Variants in PLXNB3 observed in about 807,000 individuals in gnomAD.
PLXNB3 encodes the protein plexin-B3.
In PLXNB3, 80 loss-of-function variants were observed where a neutral mutation model predicts 125.7. The observed-to-expected ratio is 0.64, with a 90% CI of 0.53 to 0.77. The LOEUF (loss-of-function observed/expected upper bound fraction) is 0.77, where lower values mean the gene tolerates loss of function less well. Ranked by LOEUF, PLXNB3 falls within the 30% of genes least tolerant of loss-of-function variation. The probability of loss-of-function intolerance (pLI) is 0.00; values close to 1 mark genes in which losing one functional copy is unlikely to be tolerated. For synonymous variants in PLXNB3, 954 were observed against 783.3 expected (o/e 1.22, Z -3.64); for missense variants, 1,836 against 1,729.3 (o/e 1.06, Z -1.09).
chrX:153,774,465 G>A lies in PLXNB3; in HGVS notation c.3724G>A (p.Glu1242Lys). Residue 1242 changes from glutamate (E) to lysine (K), a missense_variant, in exon 22 of 36, where the codon GAG (glutamate) becomes AAG (lysine). By Grantham distance (56) the Glu-to-Lys change is moderately conservative (BLOSUM62 1). Coordinates refer to ENST00000361971, the MANE Select transcript of PLXNB3 (RefSeq NM_005393.3). Reference protein sequence around the residue: ...VQLALGPVQYEAEPPLSAFPV... With the variant: ...VQLALGPVQYKAEPPLSAFPV... Reference sequence around the variant, plus strand: ...GCTGGCCCTGGGCCCTGTGCAGTACGAGGCTGAACCCCCGCTGTCTGCCTT... The same window carrying A: ...GCTGGCCCTGGGCCCTGTGCAGTACAAGGCTGAACCCCCGCTGTCTGCCTT... 8.3e-7 allele frequency: 1 copy of A among 1,205,161 alleles called. No individual in the cohort carries two copies. The highest frequency in any genetic ancestry group is 1.1e-6 in the Non-Finnish European group (1 of 892,616).
Position 153,776,226 on chromosome X carries a change from AGCCCT to A in PLXNB3, c.4729+17_4729+21del. On this transcript the variant is annotated intron_variant, in intron 27 of 35. Transcript: ENST00000361971. ...TGCCCTAGACCTTGGTGAGAGAGCCAGCCCTGCCCACCCACCCCAGGGACCCTTCC... is the reference window on the plus strand; with the variant it reads ...TGCCCTAGACCTTGGTGAGAGAGCCAGCCCACCCACCCCAGGGACCCTTCC... 8.8e-7 allele frequency: 1 copy of A among 1,141,320 alleles called. No individual in the cohort carries two copies. Among genetic ancestry groups the A allele is most frequent in the Non-Finnish European group, 1.2e-6 (1 of 851,311 alleles). The allele number at this position is 1,141,320 out of a possible 1,213,427, so 94.1% of individuals were successfully genotyped here. A position where few individuals can be genotyped will look rare whatever the true frequency, so the allele number is the denominator to read the frequency against.
Position 153,770,651 on chromosome X carries a change from G to A in PLXNB3, c.2010+9G>A. ...TCTACAGCGCCCAGGAGGTGGGTGGGCCCGAACTTCGGGCAGAGACAGGGC... is the reference window on the plus strand; with the variant it reads ...TCTACAGCGCCCAGGAGGTGGGTGGACCCGAACTTCGGGCAGAGACAGGGC... On this transcript the variant is annotated intron_variant, in intron 10 of 35. Coordinates refer to ENST00000361971, the MANE Select transcript of PLXNB3 (RefSeq NM_005393.3). 1 of 1,208,591 alleles carries A rather than the reference G, an allele frequency of 8.3e-7. No individual in the cohort carries two copies. The highest frequency in any genetic ancestry group is 1.1e-6 in the Non-Finnish European group (1 of 893,444).
chrX:153,770,487 C>A (rs1381824777), intron 9 of PLXNB3, 41 bp downstream of exon 9: 3 of 1,201,628 alleles, frequency 2.5e-6, no homozygotes, highest in Non-Finnish European at 3.4e-6. Context: ...GGGTGGCGAC[C>A]CCAGAGGGCA....
At chrX:153,768,004 C>G (rs1557060005) in intron 3 of PLXNB3, 91 bp downstream of exon 3, 2 of 963,742 alleles carry the variant, frequency 2.1e-6, no homozygotes, top group Admixed American at 8.1e-5. Flanking sequence ...GAAGTGCCAG[C>G]CAACCTCTCA....
chrX:153,775,697 T>C, intron 26 of PLXNB3, 37 bp downstream of exon 26: 4 of 1,169,326 alleles, frequency 3.4e-6, no homozygotes, highest in Non-Finnish European at 4.7e-6. Flanking sequence ...CAGCCCTGAG[T>C]GGCAGACTCC....
chrX:153,766,595 A>C, intron 2 of PLXNB3: 1 of 1,048,374 alleles, frequency 9.5e-7, no homozygotes, highest in Non-Finnish European at 1.2e-6. Context: ...GTAGGAGATG[A>C]AAGAATTCTG....
chrX:153,771,299 T>A lies in PLXNB3; in HGVS notation c.2254-11T>A. 8.4e-7 allele frequency: 1 copy of A among 1,197,395 alleles called. No homozygotes were observed. Among genetic ancestry groups the A allele is most frequent in the Non-Finnish European group, 1.1e-6 (1 of 882,933 alleles). On this transcript the variant is annotated splice_polypyrimidine_tract_variant and intron_variant, in intron 12 of 35. Coordinates refer to ENST00000361971, the MANE Select transcript of PLXNB3 (RefSeq NM_005393.3). Reference sequence around the variant, plus strand: ...GTGGGCACCCAGCCTGACCCCACACTCTGCCCACAGTTTTATCCCTCCATG... The same window carrying A: ...GTGGGCACCCAGCCTGACCCCACACACTGCCCACAGTTTTATCCCTCCATG...
chrX:153,777,476 G>A (rs782269348), intron 30 of PLXNB3, 52 bp from the exon 31 acceptor site: 4 of 1,191,227 alleles, frequency 3.4e-6, no homozygotes, highest in Non-Finnish European at 3.4e-6. Context: ...CCTCAGCCGT[G>A]GATGGCCCCC....
In PLXNB3 at chrX:153,771,314, ATCCC is replaced by A. The variant is rs781960218; in HGVS notation, c.2262_2265del (p.Ser755CysfsTer28). On this transcript the variant is annotated frameshift_variant, in exon 13 of 36. Transcript: ENST00000361971. LOFTEE classifies it high-confidence loss of function. ...GACCCCACACTCTGCCCACAGTTTT[ATCCC>A]TCCATGTCCCAGCGGGAGCTCCCAG... is the stretch of plus-strand genomic sequence containing the variant. 2 of 1,206,605 alleles carry A rather than the reference ATCCC, an allele frequency of 1.7e-6. No individual in the cohort carries two copies. The highest frequency in any genetic ancestry group is 2.2e-6 in the Non-Finnish European group (2 of 891,226).
At position 153,776,227 on chromosome X, in the gene PLXNB3, G is replaced by A. The variant is rs781794698; in HGVS notation, c.4729+13G>A. 2 of 1,141,573 alleles carry A rather than the reference G, an allele frequency of 1.8e-6. No homozygotes were observed. The highest frequency in any genetic ancestry group is 2.3e-6 in the Non-Finnish European group (2 of 851,660). The allele number at this position is 1,141,573 out of a possible 1,213,427, so 94.1% of individuals were successfully genotyped here. ...GCCCTAGACCTTGGTGAGAGAGCCAGCCCTGCCCACCCACCCCAGGGACCC... is the reference window on the plus strand; with the variant it reads ...GCCCTAGACCTTGGTGAGAGAGCCAACCCTGCCCACCCACCCCAGGGACCC... On this transcript the variant is annotated intron_variant, in intron 27 of 35. Transcript: ENST00000361971.
Position 153,771,864 on chromosome X carries a change from G to A in PLXNB3, c.2518G>A (p.Val840Ile). The change falls in exon 15 of 36, where the codon GTC becomes ATC. Residue 840 changes from valine to isoleucine, a missense_variant and splice_region_variant. Val to Ile is a conservative substitution (Grantham distance 29, BLOSUM62 3). Coordinates refer to ENST00000361971, the MANE Select transcript of PLXNB3 (RefSeq NM_005393.3). ...ATCTGCCATCATTTGCCTGCTGCAG[G>A]TCGAGCCCCTGACCGGTCCCCCTGA... Reference protein sequence around the residue: ...LLCPAPSIDAVEPLTGPPEGG... With the variant: ...LLCPAPSIDAIEPLTGPPEGG... 1.6e-5 allele frequency: 19 copies of A among 1,206,865 alleles called. No individual in the cohort carries two copies. Among genetic ancestry groups the A allele is most frequent in the Non-Finnish European group, 2.1e-5 (19 of 894,189 alleles).
intron 1 of PLXNB3, 69 bp from the exon 2 acceptor site, chrX:153,765,402 C>T (rs1478028302): frequency 5.8e-6 from 5 of 857,341 alleles, no homozygotes; most frequent in African/African-American, 2.0e-5. Context: ...GCGCCACCCC[C>T]ACCGCCGCCC....
Position 153,776,910 on chromosome X carries a change from G to T in PLXNB3, c.4857G>T (p.Gly1619=). 1.7e-6 allele frequency: 2 copies of T among 1,197,755 alleles called. No individual in the cohort carries two copies. The highest frequency in any genetic ancestry group is 4.4e-5 in the Admixed American group (2 of 45,215). The change falls in exon 29 of 36, where the codon GGG becomes GGT. Residue 1619 remains glycine (G), a synonymous_variant. Coordinates refer to ENST00000361971, the MANE Select transcript of PLXNB3 (RefSeq NM_005393.3). ...AGGTCCCAGATGGAGCAACAGTGGG[G>T]CTCGTCCCTCAGCTGCACCGTGGCA... The part of the protein sequence containing the change: ...HYKVPDGATV[G]LVPQLHRGST...
intron 6 of PLXNB3, 80 bp downstream of exon 6, chrX:153,769,342 G>A (rs1368583417): frequency 2.9e-5 from 24 of 825,484 alleles, no homozygotes; most frequent in Admixed American, 1.2e-4. Flanking sequence ...AGCCCTAGGC[G>A]TGCCGGGAGG....
rs2091896653 is a variant in PLXNB3 at position 153,769,331 on chromosome X, T to G, written c.1496+69T>G. On this transcript the variant is annotated intron_variant, in intron 6 of 35. Coordinates refer to ENST00000361971, the MANE Select transcript of PLXNB3 (RefSeq NM_005393.3). ...TGTGCCACGAGGCTGCCCCTGGAAG[T>G]AGCCCTAGGCGTGCCGGGAGGCCAA... The G allele has an allele frequency of 4.3e-6, 4 of 928,169 alleles. No individual in the cohort carries two copies. In the South Asian group the frequency reaches 6.9e-5, roughly 16 times the overall value. 76.5% of individuals were successfully genotyped at this position (928,169 alleles called of 1,213,427 possible).
Position 153,778,338 on chromosome X carries a change from G to A in PLXNB3, c.5474+13G>A, listed in dbSNP as rs781993315. The stretch of plus-strand genomic sequence containing the variant: ...AGATGGTGGAGAGGTGGGTGTCAGA[G>A]GCATCGGGGCTGCGGGGAAGGGGGC... On this transcript the variant is annotated intron_variant, in intron 33 of 35. Coordinates refer to ENST00000361971, the MANE Select transcript of PLXNB3 (RefSeq NM_005393.3). 18 of 1,206,370 alleles carry A rather than the reference G, an allele frequency of 1.5e-5. No individual in the cohort carries two copies. The Admixed American group carries it at 3.5e-4, about 23-fold the overall frequency.
Position 153,771,979 on chromosome X carries a change from G to T in PLXNB3, c.2633G>T (p.Cys878Phe). The change falls in exon 15 of 36, where the codon TGC (cysteine) becomes TTC (phenylalanine). Residue 878 changes from cysteine (C) to phenylalanine (F), a missense_variant. Physicochemically the swap from Cys to Phe is radical, Grantham distance 205. Transcript: ENST00000361971. ...QYAVSVASRPCNPEPSLYRTS... is the reference protein window; with the variant it reads ...QYAVSVASRPFNPEPSLYRTS... ...GCCGTGAGCGTGGCCAGCCGGCCCT[G>T]CAACCCTGAGCCCTCTCTCTACCGC... The T allele has an allele frequency of 8.3e-7, 1 of 1,205,054 alleles. No homozygotes were observed. The highest frequency in any genetic ancestry group is 1.1e-6 in the Non-Finnish European group (1 of 892,319).
In PLXNB3 at chrX:153,767,345, C is replaced by T. The variant is rs1557059613; in HGVS notation, c.518C>T (p.Thr173Met). The change falls in exon 3 of 36, where the codon ACG becomes ATG. Residue 173 changes from threonine to methionine, a missense_variant. Coordinates refer to ENST00000361971, the MANE Select transcript of PLXNB3 (RefSeq NM_005393.3). ...FVAANTPGVA[T>M]VGLVVPLPGR... is the part of the protein sequence containing the mutation. The stretch of plus-strand genomic sequence containing the variant: ...GCTGCCAATACCCCGGGAGTGGCAA[C>T]GGTGGGGCTGGTGGTGCCCTTGCCC... 1.7e-6 allele frequency: 2 copies of T among 1,202,110 alleles called. No homozygotes were observed. Among genetic ancestry groups the T allele is most frequent in the Non-Finnish European group, 1.1e-6 (1 of 891,009 alleles).
rs1557065439 is a variant in PLXNB3, at chrX:153,778,666, T to C, written c.5617T>C (p.Tyr1873His). Residue 1873 changes from tyrosine to histidine, a missense_variant, in exon 35 of 36, where the codon TAT becomes CAT. By Grantham distance (83) the Tyr-to-His change is moderately conservative (BLOSUM62 2). Coordinates refer to ENST00000361971, the MANE Select transcript of PLXNB3 (RefSeq NM_005393.3). ...ACTCTACAACCACATCCACAGGTACTATGATCAGGTGAGGCCCAGGGCACT... is the reference window on the plus strand; with the variant it reads ...ACTCTACAACCACATCCACAGGTACCATGATCAGGTGAGGCCCAGGGCACT... ...QELYNHIHRYYDQIISALEED... is the reference protein window; with the variant it reads ...QELYNHIHRYHDQIISALEED... 1.7e-6 allele frequency: 2 copies of C among 1,200,642 alleles called. No homozygotes were observed. The highest frequency in any genetic ancestry group is 3.6e-5 in the South Asian group (2 of 55,577).
Sources: gnomAD v4.1 joint callset for allele counts on GRCh38, gnomAD v4.1.1 for gene constraint, MANE v1.5 for transcripts, NCBI Gene and HGNC (gene_info 2026-07-23, HGNC 2026-07-21) for gene names.